The following ADAMTSL1 variants were observed in gnomAD, a reference collection of about 807,000 sequenced individuals.
ADAMTSL1 encodes ADAMTS-like protein 1.
In ADAMTSL1, 126 loss-of-function variants were observed where a neutral mutation model predicts 201.8. The ratio of observed to expected loss-of-function variants is 0.62; its 90% CI spans 0.54 to 0.72. ADAMTSL1 has a LOEUF of 0.72. Among genes scored for constraint, ADAMTSL1 ranks in the 30% least tolerant of loss-of-function variants. ADAMTSL1 has a pLI of 0.00. For missense variants in ADAMTSL1, 2,679 were observed against 2,277.8 expected (o/e 1.18, Z -3.59); for synonymous variants, 1,121 against 903.4 (o/e 1.24, Z -4.32).
At chr9:18,055,889 A>G (rs1025108617) in intron 1 of ADAMTSL1, among the ~76,000 whole-genome samples, 32 of 152,250 alleles carry the variant, frequency 2.1e-4, no homozygotes, top group African/African-American at 6.8e-4. Context: ...TGTGAGGCCA[A>G]TCAGCTATTA....
rs1830098678 is a variant in ADAMTSL1 at position 18,675,793 on chromosome 9, A to G, written c.1086-64A>G. 4 of 1,407,760 alleles carry G rather than the reference A, an allele frequency of 2.8e-6. No individual in the cohort carries two copies. In the East Asian group the frequency reaches 9.2e-5, roughly 32 times the overall value. The allele number at this position is 1,407,760 out of a possible 1,614,324, so 87.2% of individuals were successfully genotyped here. A position where few individuals can be genotyped will look rare whatever the true frequency, so the allele number is the denominator to read the frequency against. On this transcript the variant is annotated intron_variant, in intron 9 of 28. Coordinates refer to ENST00000380548, the MANE Select transcript of ADAMTSL1 (RefSeq NM_001040272.6). ...TATTAAAAATTTGTATAATGTAATC[A>G]TTTAGTGTTTATTTTATTGTGTGTA...
intron 13 of ADAMTSL1, among the ~76,000 whole-genome samples, chr9:18,699,682 C>A (rs1831807728): frequency 6.6e-6 from 1 of 152,114 alleles, no homozygotes; most frequent in Admixed American, 6.5e-5. Context: ...TACTGGTTAG[C>A]AATATTAGAC....
chr9:18,544,292 C>T (rs1221743292), intron 3 of ADAMTSL1, among the ~76,000 whole-genome samples: 1 of 152,150 alleles, frequency 6.6e-6, no homozygotes, highest in Non-Finnish European at 1.5e-5. Context: ...CCACAGCCCA[C>T]AGTATCACAT....
At chr9:18,259,343 G>A (rs1831822255) in intron 2 of ADAMTSL1, among the ~76,000 whole-genome samples, 1 of 151,936 alleles carries the variant, frequency 6.6e-6, no homozygotes, top group South Asian at 2.1e-4. Flanking sequence ...TGGGCGACAC[G>A]GTGAAACCCG....
chr9:18,659,189 A>G (rs186231586), intron 8 of ADAMTSL1, among the ~76,000 whole-genome samples: 272 of 152,358 alleles, frequency 1.8e-3, no homozygotes, highest in African/African-American at 6.2e-3. Context: ...GACAAGATAT[A>G]AAAGGATAGT....
At chr9:18,229,441 G>C (rs1328806615) in intron 2 of ADAMTSL1, among the ~76,000 whole-genome samples, 2 of 151,950 alleles carry the variant, frequency 1.3e-5, no homozygotes, top group African/African-American at 4.8e-5. Context: ...CTTCCACCCT[G>C]CCAGGAAATA....
rs377713477 is a variant in ADAMTSL1, at chr9:18,826,413, C to A, written c.4064C>A (p.Ala1355Glu). 2 of 1,613,866 alleles carry A rather than the reference C, an allele frequency of 1.2e-6. No individual in the cohort carries two copies. Among genetic ancestry groups the A allele is most frequent in the Non-Finnish European group, 8.5e-7 (1 of 1,179,844 alleles). The change falls in exon 22 of 29, where the codon GCG becomes GAG. Residue 1355 changes from alanine to glutamate, a missense_variant. Transcript: ENST00000380548. The stretch of plus-strand genomic sequence containing the variant: ...GATCAGGGCCTGTACTCCTGCAGGG[C>A]GGCCAATCTTCATGGAGAGCTGACT... Reference protein sequence around the residue: ...SSDQGLYSCRAANLHGELTES... With the variant: ...SSDQGLYSCREANLHGELTES...
chr9:18,230,908 G>C (rs1258423783), intron 2 of ADAMTSL1, among the ~76,000 whole-genome samples: 2 of 152,142 alleles, frequency 1.3e-5, no homozygotes, highest in Non-Finnish European at 2.9e-5. Flanking sequence ...CTAACCTGGA[G>C]TACATATTTG....
chr9:18,877,656 T>C (rs111333309), intron 23 of ADAMTSL1, among the ~76,000 whole-genome samples: 3,926 of 152,250 alleles, frequency 0.026, 120 homozygotes, highest in South Asian at 0.14. Flanking sequence ...GTGGACTCTG[T>C]GAGGGTCCTT....
intron 20 of ADAMTSL1, among the ~76,000 whole-genome samples, chr9:18,805,726 GCT>G (rs1823071713): frequency 6.6e-6 from 1 of 152,102 alleles, no homozygotes; most frequent in African/African-American, 2.4e-5. Context: ...GTGTGTTTTT[GCT>G]CTTCAGCCCT....
chr9:17,919,023 A>C (rs946440713), intron 1 of ADAMTSL1, among the ~76,000 whole-genome samples: 2 of 151,848 alleles, frequency 1.3e-5, no homozygotes, highest in Non-Finnish European at 3.0e-5. Flanking sequence ...TTTTTTTAAT[A>C]TAATAGTTAC....
At chr9:18,022,801 C>G (rs927239231) in intron 1 of ADAMTSL1, among the ~76,000 whole-genome samples, 9 of 152,106 alleles carry the variant, frequency 5.9e-5, no homozygotes, top group South Asian at 2.1e-4. Flanking sequence ...TCCTCTATTA[C>G]TATTTACTCT....
intron 4 of ADAMTSL1, among the ~76,000 whole-genome samples, chr9:18,588,345 T>G (rs1013562572): frequency 1.3e-5 from 2 of 152,182 alleles, no homozygotes; most frequent in Non-Finnish European, 2.9e-5. Flanking sequence ...GTTGAGCTCC[T>G]TATATACTCT....
intron 1 of ADAMTSL1, among the ~76,000 whole-genome samples, chr9:17,929,829 T>C (rs550425878): frequency 6.0e-4 from 92 of 152,294 alleles, no homozygotes; most frequent in Non-Finnish European, 1.1e-3. Context: ...CTAGCACTTG[T>C]TTGCATTTTC....
intron 7 of ADAMTSL1, among the ~76,000 whole-genome samples, chr9:18,652,140 G>A (rs1325036285): frequency 6.6e-6 from 1 of 151,956 alleles, no homozygotes; most frequent in Non-Finnish European, 1.5e-5. Flanking sequence ...AAGCCTTTGT[G>A]GTGGGTGGAT....
At chr9:17,956,546 G>C (rs959578781) in intron 1 of ADAMTSL1, among the ~76,000 whole-genome samples, 1 of 152,122 alleles carries the variant, frequency 6.6e-6, no homozygotes, top group Non-Finnish European at 1.5e-5. Context: ...CCGGGTGACT[G>C]TAACTATTTC....
chr9:18,561,521 G>A (rs1366484184), intron 3 of ADAMTSL1, among the ~76,000 whole-genome samples: 4 of 152,020 alleles, frequency 2.6e-5, no homozygotes, highest in African/African-American at 7.2e-5. Flanking sequence ...TGGGGTGGAC[G>A]GTTCTATAGA....
At chr9:18,596,066 A>C (rs1310780764) in intron 4 of ADAMTSL1, among the ~76,000 whole-genome samples, 1 of 152,194 alleles carries the variant, frequency 6.6e-6, no homozygotes, top group Non-Finnish European at 1.5e-5. Flanking sequence ...CATCATCCCC[A>C]CAGAAGACAG....
At chr9:18,392,361 C>G (rs532314906) in intron 2 of ADAMTSL1, among the ~76,000 whole-genome samples, 9 of 152,274 alleles carry the variant, frequency 5.9e-5, no homozygotes, top group African/African-American at 1.4e-4. Context: ...AAAAAAGGAA[C>G]AGTGCGGTAG....
Sources: gnomAD v4.1 joint callset for allele counts (sites outside exome capture counted in the v4.1 genomes callset) on GRCh38, gnomAD v4.1.1 for gene constraint, MANE v1.5 for transcripts, NCBI Gene and HGNC (gene_info 2026-07-23, HGNC 2026-07-21) for gene names.